The following SMG7 variants were observed in gnomAD, a reference collection of about 807,000 sequenced individuals.
SMG7 encodes SMG7 nonsense mediated mRNA decay factor.
A neutral mutation model predicts 148.2 loss-of-function variants in SMG7; 34 were observed. That is an observed-to-expected ratio of 0.23 (90% CI 0.17 to 0.31). The LOEUF (loss-of-function observed/expected upper bound fraction) is 0.31. SMG7 is among the 10% of genes least tolerant of loss of function. The pLI is 1.00. For synonymous variants in SMG7, 492 were observed against 515.1 expected (o/e 0.96, Z 0.61); for missense variants, 1,114 against 1,408.4 (o/e 0.79, Z 3.35).
At chr1:183,480,159 T>G (rs1319015087) in intron 1 of SMG7, among the ~76,000 whole-genome samples, 1 of 152,146 alleles carries the variant, frequency 6.6e-6, no homozygotes, top group Non-Finnish European at 1.5e-5. Flanking sequence ...TCTTTAATGT[T>G]TACCATCCTT....
At chr1:183,514,534 T>A (rs1663029244) in intron 2 of SMG7, among the ~76,000 whole-genome samples, 1 of 152,240 alleles carries the variant, frequency 6.6e-6, no homozygotes, top group African/African-American at 2.4e-5. Context: ...ATCTATTGTG[T>A]GATGAAAACA....
At chr1:183,506,525 A>G (rs1171005887) in intron 1 of SMG7, among the ~76,000 whole-genome samples, 3 of 152,192 alleles carry the variant, frequency 2.0e-5, no homozygotes, top group East Asian at 1.9e-4. Context: ...ATTATTCAGC[A>G]TAAATAATTA....
chr1:183,523,699 C>A (rs1665243914), intron 4 of SMG7, among the ~76,000 whole-genome samples: 1 of 152,154 alleles, frequency 6.6e-6, no homozygotes, highest in African/African-American at 2.4e-5. Flanking sequence ...CCAGTAGGAG[C>A]TTTTCTGTCT....
At chr1:183,547,037 T>C in intron 17 of SMG7, 66 bp from the exon 18 acceptor site, 1 of 1,435,552 alleles carries the variant, frequency 7.0e-7, no homozygotes, top group Non-Finnish European at 9.4e-7. Context: ...CACCTAATTA[T>C]GCTACTATTC....
intron 20 of SMG7, 114 bp from the exon 21 acceptor site, chr1:183,550,637 G>A (rs1670843907): frequency 9.7e-7 from 1 of 1,031,392 alleles, no homozygotes; most frequent in Non-Finnish European, 1.4e-6. Flanking sequence ...TTCCTTCAAA[G>A]CCCTGTGGTT....
At chr1:183,524,788 G>T (rs1359477646) in intron 4 of SMG7, among the ~76,000 whole-genome samples, 3 of 152,144 alleles carry the variant, frequency 2.0e-5, no homozygotes, top group African/African-American at 7.2e-5. Flanking sequence ...CAAGGATAAA[G>T]TGAGACAAAT....
intron 1 of SMG7, among the ~76,000 whole-genome samples, chr1:183,511,723 T>C (rs1484284792): frequency 9.9e-5 from 15 of 152,176 alleles, no homozygotes; most frequent in Non-Finnish European, 2.2e-4. Context: ...TGACAGCTGT[T>C]GGGAGAACAG....
At chr1:183,472,864 G>T in intron 1 of SMG7, 1 of 407,948 alleles carries the variant, frequency 2.5e-6, no homozygotes, top group Non-Finnish European at 4.3e-6. Flanking sequence ...TGGCGAAGCC[G>T]GCTCGTCCCG....
chr1:183,507,729 A>G (rs933495706), intron 1 of SMG7, among the ~76,000 whole-genome samples: 4 of 152,178 alleles, frequency 2.6e-5, no homozygotes, highest in Admixed American at 2.0e-4. Flanking sequence ...TACCTGTAGT[A>G]TAGTATATAG....
At chr1:183,522,108 G>C (rs561253447) in intron 4 of SMG7, among the ~76,000 whole-genome samples, 4 of 152,244 alleles carry the variant, frequency 2.6e-5, no homozygotes, top group Non-Finnish European at 5.9e-5. Flanking sequence ...GCAGCTAGTC[G>C]AGTGGTTGTA....
In SMG7 at chr1:183,552,038, C is replaced by G. The variant is rs1227202432; in HGVS notation, c.*107C>G. ...CAGGTGGCAGCCCTCTTTTCTGTTT[C>G]TCGCTGTCAAGAGGGTGTAAGTATT... On this transcript the variant is annotated 3_prime_UTR_variant, in exon 23 of 23. Coordinates refer to ENST00000688051, the MANE Select transcript of SMG7 (RefSeq NM_001375584.1). 1.4e-6 allele frequency: 2 copies of G among 1,404,028 alleles called. No individual in the cohort carries two copies. The highest frequency in any genetic ancestry group is 1.4e-5 in the African/African-American group (1 of 69,154). 87.0% of individuals were successfully genotyped at this position (1,404,028 alleles called of 1,614,324 possible). A position where few individuals can be genotyped will look rare whatever the true frequency, so the allele number is the denominator to read the frequency against.
At chr1:183,526,454 C>T (rs1271665416) in intron 4 of SMG7, 142 bp from the exon 5 acceptor site, 7 of 567,720 alleles carry the variant, frequency 1.2e-5, no homozygotes, top group African/African-American at 5.8e-5. Context: ...GTGCCAGGCC[C>T]GAAAGATTAC....
At position 183,515,757 on chromosome 1, in the gene SMG7, T is replaced by C. The variant is rs1460447899; in HGVS notation, c.62-117T>C. On this transcript the variant is annotated intron_variant, in intron 2 of 22. Coordinates refer to ENST00000688051, the MANE Select transcript of SMG7 (RefSeq NM_001375584.1). ...AACTTCTGCAGCATTCTATGGAATA[T>C]ATTTAGAGCAGGTTTTGCCTTGGGG... 7.6e-6 allele frequency: 4 copies of C among 525,370 alleles called. No individual in the cohort carries two copies. In the East Asian group the frequency reaches 1.2e-4, roughly 15 times the overall value. The allele number at this position is 525,370 out of a possible 1,614,324, so 32.5% of individuals were successfully genotyped here. A position where few individuals can be genotyped will look rare whatever the true frequency, so the allele number is the denominator to read the frequency against.
intron 1 of SMG7, among the ~76,000 whole-genome samples, chr1:183,487,922 G>T (rs541375366): frequency 6.6e-6 from 1 of 152,340 alleles, no homozygotes; most frequent in African/African-American, 2.4e-5. Context: ...TATAAGTACA[G>T]TTGAGAGTCA....
At chr1:183,546,757 A>G (rs923316680) in intron 17 of SMG7, among the ~76,000 whole-genome samples, 1 of 152,182 alleles carries the variant, frequency 6.6e-6, no homozygotes, top group Non-Finnish European at 1.5e-5. Context: ...CTTTTTATTC[A>G]TGAGAAACAG....
chr1:183,535,136 T>C (rs1667529939), intron 10 of SMG7, among the ~76,000 whole-genome samples: 1 of 152,196 alleles, frequency 6.6e-6, no homozygotes, highest in East Asian at 1.9e-4. Context: ...ATATATTATA[T>C]CAGTAATGTT....
At chr1:183,487,732 C>T (rs1364894980) in intron 1 of SMG7, among the ~76,000 whole-genome samples, 2 of 152,210 alleles carry the variant, frequency 1.3e-5, no homozygotes, top group East Asian at 3.8e-4. Context: ...TTAGTTCACA[C>T]TTAAATGTGG....
chr1:183,496,425 C>T (rs774108900), intron 1 of SMG7, among the ~76,000 whole-genome samples: 4 of 152,154 alleles, frequency 2.6e-5, no homozygotes, highest in African/African-American at 9.7e-5. Context: ...TTGACCTTTA[C>T]ATCTCTCTGT....
At chr1:183,502,457 A>T in intron 1 of SMG7, 1 of 1,289,574 alleles carries the variant, frequency 7.8e-7, no homozygotes. Flanking sequence ...TATTATTCAT[A>T]CTCTGTGAAT....
Sources: gnomAD v4.1 joint callset for allele counts (sites outside exome capture counted in the v4.1 genomes callset) on GRCh38, gnomAD v4.1.1 for gene constraint, MANE v1.5 for transcripts, NCBI Gene and HGNC (gene_info 2026-07-23, HGNC 2026-07-21) for gene names.